POLA1: variants seen among roughly 807,000 people sequenced by gnomAD.
The protein encoded by POLA1 is DNA polymerase alpha 1, catalytic subunit.
Under a neutral mutation model 124.0 loss-of-function variants are expected in POLA1, and 15 were observed. The ratio of observed to expected loss-of-function variants is 0.12; its 90% CI spans 0.08 to 0.19. The LOEUF is 0.19. Ranked by LOEUF, POLA1 falls within the 10% of genes least tolerant of loss-of-function variation. The pLI, the probability that POLA1 is intolerant of heterozygous loss-of-function variation, is 1.00. For missense variants in POLA1, 886 were observed against 1,103.4 expected, an observed-to-expected ratio of 0.80 and a Z score of 2.79; for synonymous variants, 408 against 389.4, an observed-to-expected ratio of 1.05 and a Z score of -0.56.
chrX:24,739,390 G>C lies in POLA1; in HGVS notation c.2056G>C (p.Gly686Arg), dbSNP rs1390612761. 8.4e-7 allele frequency: 1 copy of C among 1,189,999 alleles called. No individual in the cohort carries two copies. The highest frequency in any genetic ancestry group is 1.1e-6 in the Non-Finnish European group (1 of 884,155). ...MPKLGGRSGF[G>R]ERNATCGRMI... ...CATCTTGTAGGGCCGGAGTGGATTTGGTGAAAGAAATGCTACCTGTGGTCG... is the reference window on the plus strand; with the variant it reads ...CATCTTGTAGGGCCGGAGTGGATTTCGTGAAAGAAATGCTACCTGTGGTCG... The change falls in exon 20 of 37, where the codon GGT becomes CGT. Residue 686 changes from glycine to arginine, a missense_variant. Gly to Arg is a moderately radical substitution (Grantham distance 125). This residue lies in a region of POLA1 where 182 missense variants were observed against 252.8 expected (regional missense o/e 0.72). Transcript: ENST00000379068.
intron 36 of POLA1, among the ~76,000 whole-genome samples, chrX:24,944,099 T>TA (rs1269664907): frequency 9.0e-6 from 1 of 111,613 alleles, no homozygotes; most frequent in Admixed American, 9.5e-5. Flanking sequence ...TAAGCCTACT[T>TA]AAAAAAAATA....
At chrX:24,947,415 G>C (rs2047980238) in intron 36 of POLA1, among the ~76,000 whole-genome samples, 1 of 107,242 alleles carries the variant, frequency 9.3e-6, no homozygotes, top group Admixed American at 1.0e-4. Flanking sequence ...CTACAGGCAT[G>C]TGCCACCATG....
intron 34 of POLA1, among the ~76,000 whole-genome samples, chrX:24,847,756 C>T (rs761220500): frequency 1.8e-5 from 2 of 112,063 alleles, no homozygotes; most frequent in Non-Finnish European, 3.8e-5. Context: ...CTCAGAAGTA[C>T]GTGTATCTTG....
chrX:24,844,938 T>A (rs1601796896), intron 34 of POLA1, among the ~76,000 whole-genome samples: 1 of 111,649 alleles, frequency 9.0e-6, no homozygotes, highest in South Asian at 3.8e-4. Flanking sequence ...TGCTTGACTC[T>A]TGGGAAGAAT....
At chrX:24,856,481 G>T in intron 34 of POLA1, among the ~76,000 whole-genome samples, 1 of 111,816 alleles carries the variant, frequency 8.9e-6, no homozygotes, top group East Asian at 2.8e-4. Flanking sequence ...TTGTCAGTGC[G>T]TAAGTTTTCA....
intron 32 of POLA1, among the ~76,000 whole-genome samples, chrX:24,834,831 TTA>T (rs755453731): frequency 2.5e-4 from 27 of 108,388 alleles, no homozygotes; most frequent in Non-Finnish European, 4.0e-4. Context: ...AAAATGTATA[TTA>T]TATATATATA....
At chrX:24,747,890 G>A (rs1372674642) in intron 24 of POLA1, among the ~76,000 whole-genome samples, 1 of 110,479 alleles carries the variant, frequency 9.1e-6, no homozygotes, top group Non-Finnish European at 1.9e-5. Context: ...GCCCGCCACC[G>A]CGCCTGGCTA....
rs868566976 is a variant in POLA1, at chrX:24,909,507, G to T, written c.4165-20946G>T. Among the ~76,000 whole-genome samples, 558 of 110,770 alleles carry T rather than the reference G, an allele frequency of 5.0e-3. 4 individuals are homozygous for T. Among genetic ancestry groups the T allele is most frequent in the African/African-American group, 0.017 (506 of 30,516 alleles). ...TTAAATAGGGAATCCTTTCCCCATT[G>T]CTTGTTTTTGTCAGGTTTGTCAAAG... On this transcript the variant is annotated intron_variant, in intron 35 of 36. Transcript: ENST00000379068.
chrX:24,822,191 G>C (rs1286099675), intron 31 of POLA1, among the ~76,000 whole-genome samples: 1 of 111,183 alleles, frequency 9.0e-6, no homozygotes, highest in East Asian at 2.8e-4. Context: ...TGGGTGAGGA[G>C]AGAGAGTAAG....
At chrX:24,922,214 A>G (rs1472091960) in intron 35 of POLA1, among the ~76,000 whole-genome samples, 1 of 106,522 alleles carries the variant, frequency 9.4e-6, no homozygotes, top group Non-Finnish European at 1.9e-5. Context: ...AGCTGGGACT[A>G]CAGACATGCG....
At chrX:24,951,197 C>G (rs1175101953) in intron 36 of POLA1, among the ~76,000 whole-genome samples, 5 of 89,675 alleles carry the variant, frequency 5.6e-5, no homozygotes, top group Non-Finnish European at 1.1e-4. Flanking sequence ...CCATTGCTCT[C>G]TGCACTTTGG....
chrX:24,744,591 T>G (rs760496390), intron 23 of POLA1: 62 of 337,453 alleles, frequency 1.8e-4, no homozygotes, highest in South Asian at 1.6e-3. Context: ...GTCTCTTGTT[T>G]GATTTTAGCT....
chrX:24,818,996 A>G (rs2046040597), intron 30 of POLA1, among the ~76,000 whole-genome samples: 1 of 112,083 alleles, frequency 8.9e-6, no homozygotes, highest in African/African-American at 3.2e-5. Context: ...TTCTTCTTTG[A>G]TCCTGCACCA....
At chrX:24,746,218 G>A (rs1569293760) in intron 24 of POLA1, among the ~76,000 whole-genome samples, 1 of 110,941 alleles carries the variant, frequency 9.0e-6, no homozygotes, top group Admixed American at 9.6e-5. Context: ...CCAGGTCCCC[G>A]TTACCTGTGA....
At chrX:24,808,428 A>G (rs1020671737) in intron 26 of POLA1, among the ~76,000 whole-genome samples, 1 of 112,517 alleles carries the variant, frequency 8.9e-6, no homozygotes, top group Non-Finnish European at 1.9e-5. Flanking sequence ...CCAGAATGGA[A>G]TTGCCATGAT....
chrX:24,917,365 G>A (rs1455908091), intron 35 of POLA1, among the ~76,000 whole-genome samples: 1 of 110,459 alleles, frequency 9.1e-6, no homozygotes, highest in Non-Finnish European at 1.9e-5. Context: ...TTATTGTCCT[G>A]GCAAATTGGA....
chrX:24,934,673 C>G (rs1207870426), intron 36 of POLA1, among the ~76,000 whole-genome samples: 1 of 112,158 alleles, frequency 8.9e-6, no homozygotes, highest in Non-Finnish European at 1.9e-5. Flanking sequence ...TATTTCCTCA[C>G]ATTTCTGGAG....
chrX:24,956,139 T>A (rs927810048), intron 36 of POLA1, among the ~76,000 whole-genome samples: 9 of 108,229 alleles, frequency 8.3e-5, no homozygotes, highest in Non-Finnish European at 1.5e-4. Context: ...TAAAAAAAAT[T>A]AGCTGAGCAT....
chrX:24,750,685 A>G (rs1455860419), intron 26 of POLA1, among the ~76,000 whole-genome samples: 1 of 112,421 alleles, frequency 8.9e-6, no homozygotes, highest in Non-Finnish European at 1.9e-5. Context: ...TAACGTTTTC[A>G]TTTTTTAGAT....
Sources: gnomAD v4.1 joint callset for allele counts (sites outside exome capture counted in the v4.1 genomes callset) on GRCh38, gnomAD v4.1.1 for gene constraint, gnomAD v4.1.1 regional missense constraint, MANE v1.5 for transcripts, NCBI Gene and HGNC (gene_info 2026-07-23, HGNC 2026-07-21) for gene names.